The following TESC variants were observed in gnomAD, a reference collection of about 807,000 sequenced individuals.
TESC encodes the protein tescalcin, also known as calcineurin B homologous protein 3.
A neutral mutation model predicts 31.0 loss-of-function variants in TESC; 19 were observed. The observed-to-expected ratio is 0.61, with a 90% CI of 0.43 to 0.90. The LOEUF (loss-of-function observed/expected upper bound fraction) is 0.90, where lower values mean the gene tolerates loss of function less well. TESC is among the 40% of genes least tolerant of loss of function. The pLI is 0.00. For synonymous variants in TESC, 109 were observed against 114.8 expected (o/e 0.95, Z 0.32); for missense variants, 248 against 303.8 (o/e 0.82, Z 1.36).
intron 2 of TESC, among the ~76,000 whole-genome samples, chr12:117,063,007 G>A (rs989104341): frequency 6.6e-6 from 1 of 152,190 alleles, no homozygotes; most frequent in African/African-American, 2.4e-5. Context: ...GGCCTCCTGC[G>A]GGAGAGCTTG....
At chr12:117,061,877 A>G (rs1954804558) in intron 2 of TESC, among the ~76,000 whole-genome samples, 1 of 152,112 alleles carries the variant, frequency 6.6e-6, no homozygotes, top group Non-Finnish European at 1.5e-5. Flanking sequence ...TTGAGTAATC[A>G]CAGCATGTCT....
At chr12:117,046,878 G>T (rs1205777987) in intron 4 of TESC, 40 bp from the exon 5 acceptor site, 47 of 1,543,246 alleles carry the variant, frequency 3.0e-5, no homozygotes, top group Non-Finnish European at 4.0e-5. Context: ...GTCAGGCGGG[G>T]CCTGGCCCCT....
chr12:117,097,813 T>A (rs1395275034), intron 1 of TESC, among the ~76,000 whole-genome samples: 1 of 152,176 alleles, frequency 6.6e-6, no homozygotes, highest in Non-Finnish European at 1.5e-5. Flanking sequence ...AATATAGCAA[T>A]TACAAATGTA....
At position 117,099,382 on chromosome 12, in the gene TESC, CG is replaced by C; in HGVS notation, c.-101del. 1.7e-6 allele frequency: 2 copies of C among 1,197,772 alleles called. No individual in the cohort carries two copies. The highest frequency in any genetic ancestry group is 2.5e-5 in the South Asian group (1 of 39,706). 74.2% of individuals were successfully genotyped at this position (1,197,772 alleles called of 1,614,324 possible). A position where few individuals can be genotyped will look rare whatever the true frequency, so the allele number is the denominator to read the frequency against. On this transcript the variant is annotated 5_prime_UTR_variant, in exon 1 of 8. Coordinates refer to ENST00000335209, the MANE Select transcript of TESC (RefSeq NM_017899.4). ...ACTGGCCTCGGGTCCGGCCTCGGGT[CG>C]GGACGCCGGCGAAGGCTCGGAGCCG...
intron 1 of TESC, among the ~76,000 whole-genome samples, chr12:117,097,855 T>C (rs1046504822): frequency 2.6e-5 from 4 of 152,152 alleles, no homozygotes; most frequent in African/African-American, 9.7e-5. Flanking sequence ...TTACATTTTC[T>C]ATTTCTTTTT....
At chr12:117,068,635 C>T (rs1334426159) in intron 2 of TESC, among the ~76,000 whole-genome samples, 1 of 152,290 alleles carries the variant, frequency 6.6e-6, no homozygotes, top group Non-Finnish European at 1.5e-5. Context: ...TGGGGCTGCA[C>T]GTTGGTGGCA....
intron 1 of TESC, chr12:117,084,099 A>T (rs1955184817): frequency 6.6e-6 from 1 of 152,176 alleles, no homozygotes; most frequent in South Asian, 2.1e-4. Context: ...ATCTCAAAAA[A>T]AAAAAAAAAA....
intron 6 of TESC, among the ~76,000 whole-genome samples, chr12:117,044,862 A>G (rs1018973126): frequency 6.6e-6 from 1 of 152,040 alleles, no homozygotes; most frequent in East Asian, 1.9e-4. Context: ...GTGCTACTGC[A>G]CTCCAGCCTG....
At chr12:117,072,501 A>G (rs1954988124) in intron 2 of TESC, among the ~76,000 whole-genome samples, 1 of 152,250 alleles carries the variant, frequency 6.6e-6, no homozygotes, top group Admixed American at 6.5e-5. Flanking sequence ...AATGGCATGA[A>G]GGATTCTAAT....
intron 2 of TESC, among the ~76,000 whole-genome samples, chr12:117,067,528 C>T (rs887767749): frequency 1.3e-5 from 2 of 152,152 alleles, no homozygotes; most frequent in Admixed American, 1.3e-4. Context: ...ACCATGACTG[C>T]ACCACTGCAC....
intron 1 of TESC, among the ~76,000 whole-genome samples, chr12:117,097,841 C>A (rs1259182078): frequency 6.6e-6 from 1 of 152,078 alleles, no homozygotes; most frequent in African/African-American, 2.4e-5. Flanking sequence ...ATTTTCCCCT[C>A]TTTTTACATT....
At chr12:117,078,225 T>C (rs1955099508) in intron 1 of TESC, among the ~76,000 whole-genome samples, 1 of 152,160 alleles carries the variant, frequency 6.6e-6, no homozygotes. Context: ...CCCAGCACTT[T>C]GGGAGGCTGA....
intron 3 of TESC, among the ~76,000 whole-genome samples, chr12:117,055,314 G>A (rs1053741107): frequency 6.6e-6 from 1 of 152,112 alleles, no homozygotes; most frequent in African/African-American, 2.4e-5. Context: ...GCTAACTTTT[G>A]TATTTTTAGT....
intron 2 of TESC, among the ~76,000 whole-genome samples, chr12:117,059,784 G>A (rs11610361): frequency 0.14 from 21,846 of 152,008 alleles, 1,733 homozygotes; most frequent in Middle Eastern, 0.22. Context: ...GTAGAGGTGC[G>A]GTTTCACCAG....
In TESC at chr12:117,049,030, T is replaced by C; in HGVS notation, c.338A>G (p.Glu113Gly). 11 of 1,614,150 alleles carry C rather than the reference T, an allele frequency of 6.8e-6. No homozygotes were observed. The highest frequency in any genetic ancestry group is 9.3e-6 in the Non-Finnish European group (11 of 1,180,022). ...TCAGTGGCACGCACATCTCAGCTTC[T>C]CCTTCCGGGACAGCTCCACCTGTTC... Reference protein sequence around the residue: ...DEEQVELSRKEKLRFLFHMYD... With the variant: ...DEEQVELSRKGKLRFLFHMYD... The change falls in exon 4 of 8, where the codon GAG becomes GGG. Residue 113 changes from glutamate (E) to glycine (G), a missense_variant. Physicochemically the swap from Glu to Gly is moderately conservative, Grantham distance 98. Coordinates refer to ENST00000335209, the MANE Select transcript of TESC (RefSeq NM_017899.4).
chr12:117,062,900 C>G (rs748973797), intron 2 of TESC, among the ~76,000 whole-genome samples: 17 of 152,190 alleles, frequency 1.1e-4, no homozygotes, highest in Non-Finnish European at 1.3e-4. Context: ...TCACTGCCCT[C>G]AGCCAGAGCT....
At chr12:117,042,293 C>T (rs1348875315) in intron 6 of TESC, among the ~76,000 whole-genome samples, 2 of 152,080 alleles carry the variant, frequency 1.3e-5, no homozygotes, top group African/African-American at 4.8e-5. Context: ...CCTCCCCCAG[C>T]CCCCCAGGGA....
chr12:117,072,424 A>G (rs568028146), intron 2 of TESC, among the ~76,000 whole-genome samples: 49 of 152,262 alleles, frequency 3.2e-4, no homozygotes, highest in Middle Eastern at 6.8e-3. Context: ...CCAAGTGACC[A>G]TGCTCACTTT....
intron 7 of TESC, among the ~76,000 whole-genome samples, chr12:117,039,683 C>G (rs1954453672): frequency 6.6e-6 from 1 of 152,202 alleles, no homozygotes. Flanking sequence ...CTTCGCTAGG[C>G]CATCGTCATC....
Sources: gnomAD v4.1 joint callset for allele counts (sites outside exome capture counted in the v4.1 genomes callset) on GRCh38, gnomAD v4.1.1 for gene constraint, MANE v1.5 for transcripts, NCBI Gene and HGNC (gene_info 2026-07-23, HGNC 2026-07-21) for gene names.